Variants in PCYOX1L observed in about 807,000 individuals in gnomAD.
PCYOX1L encodes prenylcysteine oxidase 1 like.
In PCYOX1L, 40 loss-of-function variants were observed where a neutral mutation model predicts 44.1. The observed-to-expected ratio is 0.91, with a 90% confidence interval of 0.70 to 1.18. The LOEUF (loss-of-function observed/expected upper bound fraction) is 1.18. Among genes scored for constraint, PCYOX1L ranks in the 50% most tolerant of loss-of-function variants. The pLI is 0.00. For synonymous variants in PCYOX1L, 266 were observed against 282.8 expected (o/e 0.94, Z 0.60); for missense variants, 605 against 653.3 (o/e 0.93, Z 0.81).
chr5:149,362,867 C>T (rs777533750), intron 2 of PCYOX1L, 24 bp downstream of exon 2: 11 of 1,611,726 alleles, frequency 6.8e-6, no homozygotes, highest in South Asian at 2.2e-5. Context: ...CCTGGGGCTC[C>T]AGTGCCCAGC....
At chr5:149,367,856 G>C in intron 5 of PCYOX1L, 137 bp from the exon 6 acceptor site, 1 of 930,148 alleles carries the variant, frequency 1.1e-6, no homozygotes, top group Middle Eastern at 2.5e-4. Flanking sequence ...GCATGGAGAG[G>C]CCAGGACCCA....
rs1758297380 is a variant in PCYOX1L at position 149,368,285 on chromosome 5, C to T, written c.1116C>T (p.Asp372=). The T allele has an allele frequency of 6.2e-7, 1 of 1,614,100 alleles. No individual in the cohort carries two copies. The highest frequency in any genetic ancestry group is 1.3e-5 in the African/African-American group (1 of 74,946). ...TDFPSFFCTL[D]NICPVNISAS... is the part of the protein sequence containing the mutation. Reference sequence around the variant, plus strand: ...TCCCCAGCTTCTTCTGCACTCTGGACAACATCTGCCCTGTCAACATCTCTG... The same window carrying T: ...TCCCCAGCTTCTTCTGCACTCTGGATAACATCTGCCCTGTCAACATCTCTG... Residue 372 remains aspartate, a synonymous_variant, in exon 6 of 6, where the codon GAC becomes GAT. Coordinates refer to ENST00000274569, the MANE Select transcript of PCYOX1L (RefSeq NM_024028.4).
At position 149,364,022 on chromosome 5, in the gene PCYOX1L, CTT is replaced by C. The variant is rs759484372; in HGVS notation, c.296-12_296-11del. 4 of 1,613,180 alleles carry C rather than the reference CTT, an allele frequency of 2.5e-6. No individual in the cohort carries two copies. In the African/African-American group the frequency reaches 5.3e-5, roughly 22 times the overall value. On this transcript the variant is annotated splice_polypyrimidine_tract_variant and intron_variant, in intron 2 of 5. Coordinates refer to ENST00000274569, the MANE Select transcript of PCYOX1L (RefSeq NM_024028.4). ...CTTGGAGGGGACCTGAGGGGCTCCTCTTTGTCTCTGCAGGGCTGAGGCACCGG... is the reference window on the plus strand; with the variant it reads ...CTTGGAGGGGACCTGAGGGGCTCCTCTGTCTCTGCAGGGCTGAGGCACCGG...
intron 5 of PCYOX1L, among the ~76,000 whole-genome samples, chr5:149,367,707 G>A (rs1257672103): frequency 6.6e-6 from 1 of 152,170 alleles, no homozygotes; most frequent in Non-Finnish European, 1.5e-5. Flanking sequence ...GACTTCCATC[G>A]ACCCAGCCTT....
chr5:149,367,288 G>A (rs1253937241), intron 4 of PCYOX1L, 72 bp from the exon 5 acceptor site: 1 of 1,539,302 alleles, frequency 6.5e-7, no homozygotes, highest in Admixed American at 2.1e-5. Flanking sequence ...CAGTCGAATA[G>A]TACTGGACTC....
intron 1 of PCYOX1L, among the ~76,000 whole-genome samples, chr5:149,360,751 G>C (rs1171080410): frequency 1.3e-5 from 2 of 152,186 alleles, no homozygotes; most frequent in African/African-American, 2.4e-5. Context: ...AAAGGCCCAG[G>C]CATGAGAGAA....
rs989227228 is a variant in PCYOX1L, at chr5:149,358,234, G to A, written c.88+78G>A. On this transcript the variant is annotated intron_variant, in intron 1 of 5. Coordinates refer to ENST00000274569, the MANE Select transcript of PCYOX1L (RefSeq NM_024028.4). ...GGTTCTCAGTTCTCAGCTAGGTGGG[G>A]TATAGGAGGGCGGCTGGGTGAGGGA... is the stretch of plus-strand genomic sequence containing the variant. 1.1e-4 allele frequency: 137 copies of A among 1,297,708 alleles called. 1 individual carries two copies. The African/African-American group carries it at 1.9e-3, about 18-fold the overall frequency. The allele number at this position is 1,297,708 out of a possible 1,614,324, so 80.4% of individuals were successfully genotyped here.
At chr5:149,360,274 T>C (rs903884173) in intron 1 of PCYOX1L, among the ~76,000 whole-genome samples, 1 of 152,172 alleles carries the variant, frequency 6.6e-6, no homozygotes, top group Non-Finnish European at 1.5e-5. Context: ...TTGGTGTCAG[T>C]TGTGTTAAAT....
At chr5:149,366,284 A>C (rs1758204061) in intron 4 of PCYOX1L, 131 bp downstream of exon 4, 2 of 890,762 alleles carry the variant, frequency 2.2e-6, no homozygotes, top group Non-Finnish European at 3.4e-6. Context: ...CTGCTGCCCC[A>C]TCCTGCCTGA....
At chr5:149,362,581 C>A (rs1353671091) in intron 1 of PCYOX1L, 56 bp from the exon 2 acceptor site, 2 of 1,557,382 alleles carry the variant, frequency 1.3e-6, no homozygotes, top group African/African-American at 1.4e-5. Flanking sequence ...TGAACTACAG[C>A]CTCTCACTCT....
chr5:149,368,797 T>G lies in PCYOX1L; in HGVS notation c.*143T>G. The G allele has an allele frequency of 1.3e-6, 1 of 768,884 alleles. No individual in the cohort carries two copies. Among genetic ancestry groups the G allele is most frequent in the South Asian group, 3.8e-5 (1 of 26,038 alleles). 47.6% of individuals were successfully genotyped at this position (768,884 alleles called of 1,614,324 possible). ...TCAAGCATCTCCAGGTGACCTACTG[T>G]CTGCCTATATTAAGGGTCCACACGG... On this transcript the variant is annotated 3_prime_UTR_variant, in exon 6 of 6. Coordinates refer to ENST00000274569, the MANE Select transcript of PCYOX1L (RefSeq NM_024028.4).
intron 1 of PCYOX1L, among the ~76,000 whole-genome samples, chr5:149,358,968 T>G (rs1757932692): frequency 6.6e-6 from 1 of 152,234 alleles, no homozygotes; most frequent in Admixed American, 6.5e-5. Flanking sequence ...TACATTTTGA[T>G]GCATCTCCAA....
intron 4 of PCYOX1L, among the ~76,000 whole-genome samples, chr5:149,367,086 T>C (rs1758235874): frequency 6.6e-6 from 1 of 152,184 alleles, no homozygotes; most frequent in Admixed American, 6.5e-5. Context: ...ATCTGCTTTC[T>C]GTTTCTGTGG....
intron 1 of PCYOX1L, 58 bp downstream of exon 1, chr5:149,358,214 T>G (rs1354513073): frequency 2.9e-6 from 4 of 1,375,712 alleles, no homozygotes; most frequent in Non-Finnish European, 3.8e-6. Flanking sequence ...TAAAGGGTTC[T>G]CAGTTCTCAG....
intron 2 of PCYOX1L, 110 bp downstream of exon 2, chr5:149,362,953 A>G: frequency 8.3e-7 from 1 of 1,204,520 alleles, no homozygotes. Context: ...ATGTGGCCCA[A>G]TCTCATTTTA....
intron 2 of PCYOX1L, chr5:149,363,065 C>T: frequency 1.5e-6 from 1 of 683,682 alleles, no homozygotes; most frequent in Non-Finnish European, 2.7e-6. Flanking sequence ...GACTCCTAGG[C>T]CAGTTTCTTT....
intron 1 of PCYOX1L, 102 bp downstream of exon 1, chr5:149,358,258 G>GA: frequency 2.4e-6 from 3 of 1,269,110 alleles, no homozygotes; most frequent in Non-Finnish European, 3.0e-6. Context: ...CTGGGTGAGG[G>GA]AGGGGTCCTC....
Position 149,368,460 on chromosome 5 carries a change from C to T in PCYOX1L, c.1291C>T (p.Arg431Cys), listed in dbSNP as rs142120062. 24 of 1,613,662 alleles carry T rather than the reference C, an allele frequency of 1.5e-5. No individual in the cohort carries two copies. Among genetic ancestry groups the T allele is most frequent in the Middle Eastern group, 1.7e-4 (1 of 6,060 alleles). Residue 431 changes from arginine to cysteine, a missense_variant, in exon 6 of 6, where the codon CGC becomes TGC. Transcript: ENST00000274569. Reference protein sequence around the residue: ...EWQAHPLYGSRPTLPRFALHD... With the variant: ...EWQAHPLYGSCPTLPRFALHD... ...GCAGGCCCATCCCCTCTATGGCTCC[C>T]GCCCCACGCTCCCGAGGTTTGCACT... is the stretch of plus-strand genomic sequence containing the variant.
intron 3 of PCYOX1L, 186 bp from the exon 4 acceptor site, chr5:149,365,756 T>C: frequency 1.6e-6 from 1 of 612,242 alleles, no homozygotes; most frequent in South Asian, 2.0e-5. Flanking sequence ...ACACTCCCTT[T>C]AGGTGGGACA....
Sources: gnomAD v4.1 joint callset for allele counts (sites outside exome capture counted in the v4.1 genomes callset) on GRCh38, gnomAD v4.1.1 for gene constraint, MANE v1.5 for transcripts, NCBI Gene and HGNC (gene_info 2026-07-23, HGNC 2026-07-21) for gene names.